The following GNA12 variants were observed in gnomAD, a reference collection of about 807,000 sequenced individuals.
The protein encoded by GNA12 is guanine nucleotide-binding protein subunit alpha-12.
A neutral mutation model predicts 26.0 loss-of-function variants in GNA12; 9 were observed. That is an observed-to-expected ratio of 0.35 (90% CI 0.21 to 0.60). The LOEUF is 0.60. Ranked by LOEUF, GNA12 falls within the 20% of genes least tolerant of loss-of-function variation. The probability of loss-of-function intolerance (pLI) is 0.78; values close to 1 mark genes in which losing one functional copy is unlikely to be tolerated. For synonymous variants in GNA12, 264 were observed against 219.6 expected, an observed-to-expected ratio of 1.20 and a Z score of -1.79; for missense variants, 405 against 525.8, an observed-to-expected ratio of 0.77 and a Z score of 2.25.
At chr7:2,739,027 G>A (rs543535708) in intron 2 of GNA12, among the ~76,000 whole-genome samples, 1 of 152,274 alleles carries the variant, frequency 6.6e-6, no homozygotes, top group South Asian at 2.1e-4. Flanking sequence ...CAGGGTCCTT[G>A]GCCGTGGAGC....
intron 2 of GNA12, among the ~76,000 whole-genome samples, chr7:2,734,076 G>A (rs139519464): frequency 3.9e-5 from 6 of 152,330 alleles, no homozygotes; most frequent in Middle Eastern, 3.4e-3. Context: ...TTGGATTGTT[G>A]TGGTGGAATG....
intron 1 of GNA12, among the ~76,000 whole-genome samples, chr7:2,809,842 A>AAAATT (rs1793037295): frequency 6.6e-6 from 1 of 152,226 alleles, no homozygotes; most frequent in South Asian, 2.1e-4. Flanking sequence ...AATTCATAGT[A>AAAATT]AAATTATGTA....
At chr7:2,785,018 T>C (rs1792323764) in intron 2 of GNA12, among the ~76,000 whole-genome samples, 1 of 152,166 alleles carries the variant, frequency 6.6e-6, no homozygotes, top group South Asian at 2.1e-4. Flanking sequence ...AACACTTCAT[T>C]TTTTTCCCCT....
In GNA12 at chr7:2,831,151, T is replaced by C. The variant is rs182336583; in HGVS notation, c.309+12702A>G. On this transcript the variant is annotated intron_variant, in intron 1 of 3. Transcript: ENST00000275364. ...TGCTTTAACTAGTGCGTTCCAGCAG[T>C]CCTGGTATGTTTAAAAACAGTCTCA... Among the ~76,000 whole-genome samples, 224 of 151,892 alleles carry C rather than the reference T, an allele frequency of 1.5e-3. 1 individual carries two copies. The highest frequency in any genetic ancestry group is 5.3e-3 in the African/African-American group (219 of 41,382).
Position 2,743,609 on chromosome 7 carries a change from G to A in GNA12, c.526-10108C>T, listed in dbSNP as rs150375507. 9.4e-3 allele frequency among the ~76,000 whole-genome samples: 1,427 copies of A among 152,308 alleles called. 13 individuals are homozygous for A. Among genetic ancestry groups the A allele is most frequent in the Middle Eastern group, 0.071 (21 of 294 alleles). Reference sequence around the variant, plus strand: ...CTCCGGTCTACAGCTCCCAGCGTGAGCAATGCAGAAGACGGGTGATTTCTG... The same window carrying A: ...CTCCGGTCTACAGCTCCCAGCGTGAACAATGCAGAAGACGGGTGATTTCTG... On this transcript the variant is annotated intron_variant, in intron 2 of 3. Coordinates refer to ENST00000275364, the MANE Select transcript of GNA12 (RefSeq NM_007353.3).
chr7:2,843,697 A>G (rs901325700), intron 1 of GNA12, among the ~76,000 whole-genome samples, 156 bp downstream of exon 1: 6 of 144,482 alleles, frequency 4.2e-5, no homozygotes, highest in African/African-American at 1.6e-4. Flanking sequence ...GGCCTCGGGG[A>G]ATGGGTCGGG....
intron 2 of GNA12, among the ~76,000 whole-genome samples, chr7:2,756,605 T>A (rs1791309057): frequency 6.6e-6 from 1 of 151,298 alleles, no homozygotes; most frequent in African/African-American, 2.4e-5. Flanking sequence ...AGACCCTGTC[T>A]CAAACAAACA....
At chr7:2,782,997 A>C (rs1792267975) in intron 2 of GNA12, among the ~76,000 whole-genome samples, 1 of 152,214 alleles carries the variant, frequency 6.6e-6, no homozygotes, top group South Asian at 2.1e-4. Context: ...GTCACTTTAA[A>C]TAGTGTCCAG....
At chr7:2,765,741 C>T (rs1387954362) in intron 2 of GNA12, among the ~76,000 whole-genome samples, 1 of 152,076 alleles carries the variant, frequency 6.6e-6, no homozygotes, top group African/African-American at 2.4e-5. Flanking sequence ...AGCGATTCTC[C>T]TGTCTTAGCC....
chr7:2,731,118 C>A lies in GNA12; in HGVS notation c.*63G>T, dbSNP rs1789865750. On this transcript the variant is annotated 3_prime_UTR_variant, in exon 4 of 4. Coordinates refer to ENST00000275364, the MANE Select transcript of GNA12 (RefSeq NM_007353.3). The surrounding 1 kb of genome is among the most constrained non-coding windows in gnomAD (Gnocchi z 6.0). ...CAAGGACCACACAGACAACACACAC[C>A]CAAGAGTCTGACCGACAGCCGTGGG... 10 of 1,126,508 alleles carry A rather than the reference C, an allele frequency of 8.9e-6. No homozygotes were observed. Among genetic ancestry groups the A allele is most frequent in the Admixed American group, 1.9e-5 (1 of 52,576 alleles). The allele number at this position is 1,126,508 out of a possible 1,614,324, so 69.8% of individuals were successfully genotyped here.
At chr7:2,763,482 C>T (rs1791672673) in intron 2 of GNA12, among the ~76,000 whole-genome samples, 2 of 152,226 alleles carry the variant, frequency 1.3e-5, no homozygotes, top group Non-Finnish European at 2.9e-5. Flanking sequence ...CCCTCAACCC[C>T]GGCAGCAGTG....
intron 1 of GNA12, among the ~76,000 whole-genome samples, chr7:2,815,491 A>G (rs1173065631): frequency 2.6e-5 from 4 of 152,234 alleles, no homozygotes; most frequent in Non-Finnish European, 5.9e-5. Flanking sequence ...CCCAGGCTCC[A>G]CACTGCAGGC....
At chr7:2,736,568 A>G (rs970789267) in intron 2 of GNA12, among the ~76,000 whole-genome samples, 3 of 152,158 alleles carry the variant, frequency 2.0e-5, no homozygotes, top group African/African-American at 4.8e-5. Flanking sequence ...GCAGGTTGAT[A>G]TGGGGCCTGT....
In GNA12 at chr7:2,765,708, A is replaced by C. The variant is rs377724230; in HGVS notation, c.525+29220T>G. On this transcript the variant is annotated intron_variant, in intron 2 of 3. Coordinates refer to ENST00000275364, the MANE Select transcript of GNA12 (RefSeq NM_007353.3). ...TGCGATGGCATGATCTTGGCTCACC[A>C]CAACCTCCGCCTCCTGGGTTCAAGC... 3.1e-4 allele frequency among the ~76,000 whole-genome samples: 47 copies of C among 151,286 alleles called. 1 individual carries two copies. The South Asian group carries it at 9.9e-3, about 32-fold the overall frequency.
intron 1 of GNA12, among the ~76,000 whole-genome samples, chr7:2,802,795 C>G (rs1219201722): frequency 6.6e-6 from 1 of 152,176 alleles, no homozygotes; most frequent in East Asian, 1.9e-4. Context: ...ATGAATCCAG[C>G]AAACAAAGAC....
intron 2 of GNA12, among the ~76,000 whole-genome samples, chr7:2,790,476 C>T (rs79464019): frequency 9.2e-5 from 14 of 152,274 alleles, no homozygotes; most frequent in South Asian, 2.1e-4. Context: ...TCTGTCCTAC[C>T]GGCTATGTGA....
chr7:2,820,216 CGGGGCT>C (rs571974777), intron 1 of GNA12, among the ~76,000 whole-genome samples: 117 of 152,070 alleles, frequency 7.7e-4, no homozygotes, highest in Middle Eastern at 3.2e-3. Flanking sequence ...GGTGGCCGCC[CGGGGCT>C]GGGGCTGGGG....
chr7:2,827,335 T>C (rs184417447), intron 1 of GNA12, among the ~76,000 whole-genome samples: 3 of 152,318 alleles, frequency 2.0e-5, no homozygotes, highest in Admixed American at 6.5e-5. Flanking sequence ...ACACAGTGAA[T>C]GTACTAAATG....
At chr7:2,796,171 C>T (rs1055068967) in intron 1 of GNA12, among the ~76,000 whole-genome samples, 5 of 152,120 alleles carry the variant, frequency 3.3e-5, no homozygotes, top group African/African-American at 9.7e-5. Context: ...AGCCTCCACC[C>T]CTTATCCGTG....
Sources: gnomAD v4.1 joint callset for allele counts (sites outside exome capture counted in the v4.1 genomes callset) on GRCh38, gnomAD v4.1.1 for gene constraint, Gnocchi (gnomAD v3.1) non-coding constraint, MANE v1.5 for transcripts, NCBI Gene and HGNC (gene_info 2026-07-23, HGNC 2026-07-21) for gene names.